The following ARHGAP19 variants were observed in gnomAD, a reference collection of about 807,000 sequenced individuals.
ARHGAP19 encodes the protein rho GTPase-activating protein 19.
In ARHGAP19, 48 loss-of-function variants were observed where a neutral mutation model predicts 60.9. The observed-to-expected ratio is 0.79, with a 90% confidence interval of 0.62 to 1.00. ARHGAP19 has a LOEUF of 1.00. ARHGAP19 is among the 50% of genes least tolerant of loss of function. The pLI is 0.00. For missense variants in ARHGAP19, 562 were observed against 597.2 expected, an observed-to-expected ratio of 0.94 and a Z score of 0.61; for synonymous variants, 209 against 215.5, an observed-to-expected ratio of 0.97 and a Z score of 0.27.
chr10:97,235,850 A>T (rs942965411), intron 8 of ARHGAP19, among the ~76,000 whole-genome samples: 2 of 152,184 alleles, frequency 1.3e-5, no homozygotes, highest in Non-Finnish European at 2.9e-5. Flanking sequence ...AAAGTGGAAA[A>T]CGAGAAGACC....
chr10:97,292,593 G>A lies in ARHGAP19; in HGVS notation c.35C>T (p.Pro12Leu), dbSNP rs1025172839. 30 of 1,614,022 alleles carry A rather than the reference G, an allele frequency of 1.9e-5. No homozygotes were observed. The highest frequency in any genetic ancestry group is 2.2e-5 in the Non-Finnish European group (26 of 1,180,036). The change falls in exon 1 of 12, where the codon CCA becomes CTA. Residue 12 changes from proline to leucine, a missense_variant. Transcript: ENST00000358531. Reference protein sequence around the residue: ...ATEAQSEGEVPARESGRSDAI... With the variant: ...ATEAQSEGEVLARESGRSDAI... Reference sequence around the variant, plus strand: ...TCACCTCCGGCCGGATTCGCGGGCTGGCACCTCCCCTTCACTCTGTGCCTC... The same window carrying A: ...TCACCTCCGGCCGGATTCGCGGGCTAGCACCTCCCCTTCACTCTGTGCCTC...
chr10:97,282,867 A>G (rs1317711745), intron 1 of ARHGAP19, among the ~76,000 whole-genome samples: 8 of 125,642 alleles, frequency 6.4e-5, no homozygotes, highest in African/African-American at 2.4e-4. Flanking sequence ...TTTGAGACAG[A>G]GTCTCACTCT....
At chr10:97,266,928 A>G (rs944104888) in intron 1 of ARHGAP19, among the ~76,000 whole-genome samples, 1 of 152,146 alleles carries the variant, frequency 6.6e-6, no homozygotes, top group African/African-American at 2.4e-5. Context: ...CAGCCAAACC[A>G]TATCATTCTG....
intron 1 of ARHGAP19, among the ~76,000 whole-genome samples, chr10:97,291,697 T>G (rs1268841735): frequency 6.6e-6 from 1 of 152,210 alleles, no homozygotes; most frequent in Non-Finnish European, 1.5e-5. Context: ...AATCTCTTAT[T>G]CGGTACAAAT....
At chr10:97,267,739 G>T (rs1366147167) in intron 1 of ARHGAP19, among the ~76,000 whole-genome samples, 2 of 152,362 alleles carry the variant, frequency 1.3e-5, no homozygotes, top group African/African-American at 4.8e-5. Context: ...TGAAGCAATG[G>T]CCTGAGCTAT....
intron 1 of ARHGAP19, among the ~76,000 whole-genome samples, chr10:97,272,966 G>A (rs527598354): frequency 4.0e-4 from 59 of 148,688 alleles, no homozygotes; most frequent in Non-Finnish European, 7.0e-4. Flanking sequence ...TCAGCCTCCC[G>A]AGTAGCTGGG....
At position 97,225,998 on chromosome 10, in the gene ARHGAP19, T is replaced by C. The variant is rs1474635091; in HGVS notation, c.*124A>G. On this transcript the variant is annotated 3_prime_UTR_variant, in exon 12 of 12. Coordinates refer to ENST00000358531, the MANE Select transcript of ARHGAP19 (RefSeq NM_032900.6). ...GGTATCAGTCGGGTCACGGTATTAG[T>C]TGGCTTTGACAATTCAAAATGCAGC... The C allele has an allele frequency of 1.9e-6, 2 of 1,033,786 alleles. No homozygotes were observed. The highest frequency in any genetic ancestry group is 2.9e-6 in the Non-Finnish European group (2 of 686,372). 64.0% of individuals were successfully genotyped at this position (1,033,786 alleles called of 1,614,324 possible).
At chr10:97,239,647 A>C (rs1199902411) in intron 8 of ARHGAP19, among the ~76,000 whole-genome samples, 3 of 151,202 alleles carry the variant, frequency 2.0e-5, no homozygotes, top group Non-Finnish European at 2.9e-5. Context: ...GGAGCAAAAA[A>C]AAAGATATTA....
Position 97,244,140 on chromosome 10 carries a change from G to C in ARHGAP19, c.1013C>G (p.Ala338Gly), listed in dbSNP as rs764238615. 1 of 1,611,314 alleles carries C rather than the reference G, an allele frequency of 6.2e-7. No individual in the cohort carries two copies. The highest frequency in any genetic ancestry group is 1.1e-5 in the South Asian group (1 of 90,546). Reference sequence around the variant, plus strand: ...CTGAAAGGACTTAGTATGACATGAAGCTATGAGGTCAAGGTCATCCTAAGG... The same window carrying C: ...CTGAAAGGACTTAGTATGACATGAACCTATGAGGTCAAGGTCATCCTAAGG... Reference protein sequence around the residue: ...QASKDDLDLIASCHTKSFQLA... With the variant: ...QASKDDLDLIGSCHTKSFQLA... Residue 338 changes from alanine (A) to glycine (G), a missense_variant, in exon 8 of 12, where the codon GCT (alanine) becomes GGT (glycine). Coordinates refer to ENST00000358531, the MANE Select transcript of ARHGAP19 (RefSeq NM_032900.6).
At chr10:97,288,599 GAAC>G (rs1474331733) in intron 1 of ARHGAP19, among the ~76,000 whole-genome samples, 1 of 146,818 alleles carries the variant, frequency 6.8e-6, no homozygotes, top group Admixed American at 6.8e-5. Context: ...AAGAAAAAAA[GAAC>G]AACAAAAAAA....
chr10:97,238,656 G>GCTAAC (rs1317385570), intron 8 of ARHGAP19, among the ~76,000 whole-genome samples: 1 of 152,152 alleles, frequency 6.6e-6, no homozygotes, highest in East Asian at 1.9e-4. Flanking sequence ...TTTAAGCTAA[G>GCTAAC]TGTTATTACA....
At position 97,260,934 on chromosome 10, in the gene ARHGAP19, TA is replaced by T. The variant is rs757386929; in HGVS notation, c.614-1307del. ...CATGGTGAAACCCCATCTCTATATTTAAAAAAAAAAAAAAAAAAAAAAGATC... is the reference window on the plus strand; with the variant it reads ...CATGGTGAAACCCCATCTCTATATTTAAAAAAAAAAAAAAAAAAAAAGATC... On this transcript the variant is annotated intron_variant, in intron 4 of 11. Transcript: ENST00000358531. Among the ~76,000 whole-genome samples, 691 of 107,626 alleles carry T rather than the reference TA, an allele frequency of 6.4e-3. 3 individuals carry two copies. The highest frequency in any genetic ancestry group is 0.014 in the African/African-American group (420 of 29,316). The allele number at this position is 107,626 out of a possible 152,430, so 70.6% of individuals were successfully genotyped here. A position where few individuals can be genotyped will look rare whatever the true frequency, so the allele number is the denominator to read the frequency against.
chr10:97,282,839 C>CTTTTTTTT (rs56387291), intron 1 of ARHGAP19, among the ~76,000 whole-genome samples: 49 of 90,984 alleles, frequency 5.4e-4, no homozygotes, highest in African/African-American at 1.3e-3. Context: ...TTTCTTTTTT[C>CTTTTTTTT]TTTTTTTTTT....
intron 1 of ARHGAP19, among the ~76,000 whole-genome samples, chr10:97,288,301 G>A (rs1390939490): frequency 6.6e-6 from 1 of 152,130 alleles, no homozygotes; most frequent in Non-Finnish European, 1.5e-5. Flanking sequence ...AATCCCTGCA[G>A]CCGGGAGTGG....
At position 97,242,940 on chromosome 10, in the gene ARHGAP19, GC is replaced by G. The variant is rs144022876; in HGVS notation, c.1185+1027del. Among the ~76,000 whole-genome samples, 423 of 152,200 alleles carry G rather than the reference GC, an allele frequency of 2.8e-3. 2 individuals carry two copies. Among genetic ancestry groups the G allele is most frequent in the African/African-American group, 9.0e-3 (372 of 41,530 alleles). The stretch of plus-strand genomic sequence containing the variant: ...GCTGGGATTACAGGTGTGAGCCACC[GC>G]GCCCAGCCGGTATCAGTGTTCTTGT... On this transcript the variant is annotated intron_variant, in intron 8 of 11. Transcript: ENST00000358531.
intron 1 of ARHGAP19, among the ~76,000 whole-genome samples, chr10:97,268,014 C>A (rs1396757173): frequency 1.3e-5 from 2 of 152,232 alleles, no homozygotes; most frequent in African/African-American, 2.4e-5. Context: ...AATTTCTCTG[C>A]AGAAAATGAG....
intron 1 of ARHGAP19, among the ~76,000 whole-genome samples, chr10:97,273,644 G>A (rs1332008691): frequency 6.6e-6 from 1 of 151,292 alleles, no homozygotes; most frequent in African/African-American, 2.4e-5. Context: ...GAGTGCCATT[G>A]TGCCCAGCTA....
At chr10:97,249,550 T>G (rs1310898401) in intron 6 of ARHGAP19, among the ~76,000 whole-genome samples, 1 of 152,104 alleles carries the variant, frequency 6.6e-6, no homozygotes, top group Non-Finnish European at 1.5e-5. Flanking sequence ...TAAGACAAAC[T>G]TAGAATGTGA....
In ARHGAP19 at chr10:97,224,194, C is replaced by T. The variant is rs1850855688; in HGVS notation, c.*1928G>A. 1 of 152,186 alleles carries T rather than the reference C, an allele frequency of 6.6e-6. No homozygotes were observed. Among genetic ancestry groups the T allele is most frequent in the Admixed American group, 6.5e-5 (1 of 15,278 alleles). 9.4% of individuals were successfully genotyped at this position (152,186 alleles called of 1,614,324 possible). ...CCCTGTTTAACAGACCATAGCACCA[C>T]TTCGGGATGAAGCACGTCTAAACAA... On this transcript the variant is annotated 3_prime_UTR_variant, in exon 12 of 12. Transcript: ENST00000358531.
Sources: allele counts gnomAD v4.1 joint callset (sites outside exome capture counted in the v4.1 genomes callset), GRCh38; gene constraint gnomAD v4.1.1; transcripts MANE v1.5; gene names NCBI Gene and HGNC (gene_info 2026-07-23, HGNC 2026-07-21).